The following B3GALT1 variants were observed in gnomAD, a reference collection of about 807,000 sequenced individuals.
B3GALT1 encodes beta-1,3-galactosyltransferase 1.
B3GALT1 carries 10 observed loss-of-function variants against 23.2 expected under a neutral mutation model. That is an observed-to-expected ratio of 0.43 (90% CI 0.27 to 0.73). The LOEUF (loss-of-function observed/expected upper bound fraction) is 0.73, where lower values mean the gene tolerates loss of function less well. Among genes scored for constraint, B3GALT1 ranks in the 30% least tolerant of loss-of-function variants. The pLI is 0.21. For synonymous variants in B3GALT1, 156 were observed against 141.5 expected (o/e 1.10, Z -0.73); for missense variants, 299 against 405.4 (o/e 0.74, Z 2.25).
chr2:167,494,091 A>G (rs1385348294), intron 2 of B3GALT1, among the ~76,000 whole-genome samples: 1 of 152,142 alleles, frequency 6.6e-6, no homozygotes. Context: ...ATGGCCCATT[A>G]TAGTTGTATA....
intron 3 of B3GALT1, among the ~76,000 whole-genome samples, chr2:167,766,494 C>G (rs2105303805): frequency 6.6e-6 from 1 of 152,252 alleles, no homozygotes; most frequent in South Asian, 2.1e-4. Flanking sequence ...GCAATAATAT[C>G]AGCCATTTAT....
chr2:167,795,176 A>G (rs936998024), intron 3 of B3GALT1, among the ~76,000 whole-genome samples: 6 of 152,192 alleles, frequency 3.9e-5, no homozygotes, highest in African/African-American at 9.6e-5. Context: ...TTAAAGTTCT[A>G]TTGGAAAACT....
At chr2:167,428,382 A>G (rs927805937) in intron 1 of B3GALT1, among the ~76,000 whole-genome samples, 6 of 152,214 alleles carry the variant, frequency 3.9e-5, no homozygotes, top group Admixed American at 1.3e-4. Flanking sequence ...GAATACTGGT[A>G]TTAAGTGGAC....
chr2:167,650,885 C>G (rs151136774), intron 3 of B3GALT1, among the ~76,000 whole-genome samples: 49 of 152,156 alleles, frequency 3.2e-4, no homozygotes, highest in Admixed American at 6.6e-4. Flanking sequence ...AATATGCTAA[C>G]AGAAGTAAGC....
intron 3 of B3GALT1, chr2:167,714,878 A>C (rs1558957370): frequency 2.5e-6 from 4 of 1,609,664 alleles, no homozygotes; most frequent in Non-Finnish European, 3.4e-6. Flanking sequence ...TTTCCTGTGG[A>C]GTGTCATTTC....
At chr2:167,298,311 G>T (rs1269734699) in intron 1 of B3GALT1, among the ~76,000 whole-genome samples, 4 of 152,074 alleles carry the variant, frequency 2.6e-5, no homozygotes, top group Non-Finnish European at 5.9e-5. Flanking sequence ...TAACGATGAA[G>T]TATATAAGTT....
intron 2 of B3GALT1, among the ~76,000 whole-genome samples, chr2:167,566,125 G>T (rs1684160265): frequency 6.6e-6 from 1 of 152,082 alleles, no homozygotes; most frequent in South Asian, 2.1e-4. Context: ...TGATAGACTG[G>T]ATTAAGAAAA....
rs150612901 is a variant in B3GALT1 at position 167,508,775 on chromosome 2, TAAAAA to T, written c.-410+18504_-410+18508del. ...TACAATTTATTTTCTAAACTTTTCATAAAAAAAAAAGAAAGGAAAAGTTTGGTAGA... is the reference window on the plus strand; with the variant it reads ...TACAATTTATTTTCTAAACTTTTCATAAAAAGAAAGGAAAAGTTTGGTAGA... On this transcript the variant is annotated intron_variant, in intron 2 of 4. Coordinates refer to ENST00000392690, the MANE Select transcript of B3GALT1 (RefSeq NM_020981.4). 3.4e-5 allele frequency among the ~76,000 whole-genome samples: 5 copies of T among 145,090 alleles called. No individual in the cohort carries two copies. The South Asian group carries it at 1.1e-3, about 31-fold the overall frequency.
At chr2:167,466,317 T>G (rs1699343967) in intron 1 of B3GALT1, among the ~76,000 whole-genome samples, 1 of 152,120 alleles carries the variant, frequency 6.6e-6, no homozygotes, top group African/African-American at 2.4e-5. Flanking sequence ...TACGAATATT[T>G]CAAGAAAGAT....
chr2:167,805,455 T>G (rs1688731685), intron 3 of B3GALT1, among the ~76,000 whole-genome samples: 1 of 152,198 alleles, frequency 6.6e-6, no homozygotes, highest in East Asian at 1.9e-4. Context: ...GTTTTTATGG[T>G]TTTAGGTCTA....
intron 2 of B3GALT1, among the ~76,000 whole-genome samples, chr2:167,512,419 A>G (rs757255819): frequency 3.3e-5 from 5 of 150,096 alleles, no homozygotes; most frequent in African/African-American, 7.3e-5. Flanking sequence ...TAAACCAACA[A>G]TGCTTTCCTG....
At chr2:167,774,481 TTTTG>T (rs1688124770) in intron 3 of B3GALT1, among the ~76,000 whole-genome samples, 1 of 111,440 alleles carries the variant, frequency 9.0e-6, no homozygotes, top group Non-Finnish European at 1.9e-5. Flanking sequence ...GGTTTTTTTT[TTTTG>T]TTTTTTTTTT....
intron 1 of B3GALT1, among the ~76,000 whole-genome samples, chr2:167,439,606 A>C (rs1698845345): frequency 6.6e-6 from 1 of 152,014 alleles, no homozygotes; most frequent in Non-Finnish European, 1.5e-5. Flanking sequence ...CACAATGTGC[A>C]GGTTAGTTAC....
chr2:167,591,976 G>A (rs760435064), intron 2 of B3GALT1, among the ~76,000 whole-genome samples: 1 of 152,136 alleles, frequency 6.6e-6, no homozygotes, highest in Non-Finnish European at 1.5e-5. Flanking sequence ...AATATTGAAG[G>A]TAGATCCAAT....
At chr2:167,397,338 C>T (rs778148667) in intron 1 of B3GALT1, among the ~76,000 whole-genome samples, 6 of 149,410 alleles carry the variant, frequency 4.0e-5, no homozygotes, top group Non-Finnish European at 7.4e-5. Flanking sequence ...TTTTAGATTC[C>T]TTTGAATCCA....
chr2:167,398,811 A>G (rs768177855), intron 1 of B3GALT1, among the ~76,000 whole-genome samples: 3 of 152,124 alleles, frequency 2.0e-5, no homozygotes, highest in Non-Finnish European at 4.4e-5. Flanking sequence ...AGTTGTAGCT[A>G]CAAAGCAAGG....
intron 3 of B3GALT1, among the ~76,000 whole-genome samples, chr2:167,732,266 T>C (rs1687421183): frequency 6.6e-6 from 1 of 152,186 alleles, no homozygotes; most frequent in Admixed American, 6.5e-5. Flanking sequence ...TGGATAAGCT[T>C]TATTGATATT....
chr2:167,670,581 C>T (rs1558944126), intron 3 of B3GALT1, among the ~76,000 whole-genome samples: 2 of 152,154 alleles, frequency 1.3e-5, no homozygotes, highest in African/African-American at 4.8e-5. Flanking sequence ...GCTCTATGAA[C>T]TGTCTGGCAA....
intron 4 of B3GALT1, among the ~76,000 whole-genome samples, chr2:167,852,545 A>C (rs1259825139): frequency 2.0e-5 from 3 of 151,920 alleles, no homozygotes; most frequent in African/African-American, 7.3e-5. Context: ...TTTCCTAAAC[A>C]CAGGAACTTT....
Sources: gnomAD v4.1 joint callset for allele counts (sites outside exome capture counted in the v4.1 genomes callset) on GRCh38, gnomAD v4.1.1 for gene constraint, MANE v1.5 for transcripts, NCBI Gene and HGNC (gene_info 2026-07-23, HGNC 2026-07-21) for gene names.